Variants in XRN2 observed in about 807,000 individuals in gnomAD.
XRN2 encodes 5'-3' exoribonuclease 2.
Under a neutral mutation model 138.5 loss-of-function variants are expected in XRN2, and 44 were observed. The ratio of observed to expected loss-of-function variants is 0.32; its 90% CI spans 0.25 to 0.41. XRN2 has a LOEUF of 0.41. XRN2 is among the 10% of genes least tolerant of loss of function. The probability of loss-of-function intolerance (pLI) is 1.00; values close to 1 mark genes in which losing one functional copy is unlikely to be tolerated. For synonymous variants in XRN2, 354 were observed against 369.4 expected (o/e 0.96, Z 0.48); for missense variants, 937 against 1,169.3 (o/e 0.80, Z 2.90).
chr20:21,370,117 T>A (rs2038744946), intron 27 of XRN2, among the ~76,000 whole-genome samples: 1 of 152,210 alleles, frequency 6.6e-6, no homozygotes, highest in Admixed American at 6.5e-5. Context: ...GAGACTGTCC[T>A]TTCCTCAGTG....
chr20:21,352,523 A>T (rs564038048), intron 20 of XRN2, among the ~76,000 whole-genome samples: 14 of 151,892 alleles, frequency 9.2e-5, no homozygotes, highest in Middle Eastern at 3.4e-3. Flanking sequence ...TAGAGGTGGG[A>T]TTTCACCATG....
chr20:21,384,127 T>A (rs1012323420), intron 28 of XRN2, among the ~76,000 whole-genome samples: 4 of 152,214 alleles, frequency 2.6e-5, no homozygotes, highest in Non-Finnish European at 5.9e-5. Context: ...CCAGTAGATT[T>A]AAAAATACAA....
At chr20:21,370,243 T>C (rs544309071) in intron 27 of XRN2, among the ~76,000 whole-genome samples, 28 of 152,196 alleles carry the variant, frequency 1.8e-4, no homozygotes, top group Non-Finnish European at 3.4e-4. Flanking sequence ...TACCATACTG[T>C]TGTGGTTACT....
At chr20:21,378,014 C>T (rs984904200) in intron 27 of XRN2, among the ~76,000 whole-genome samples, 7 of 152,178 alleles carry the variant, frequency 4.6e-5, no homozygotes, top group Non-Finnish European at 1.0e-4. Context: ...CTTCAGGAAC[C>T]GCTGATACTG....
intron 1 of XRN2, among the ~76,000 whole-genome samples, chr20:21,318,741 C>T (rs2037995751): frequency 6.6e-6 from 1 of 151,832 alleles, no homozygotes; most frequent in Non-Finnish European, 1.5e-5. Flanking sequence ...GTTTAATTTC[C>T]ACATATTTGT....
chr20:21,350,550 A>AG (rs1431444469), intron 20 of XRN2, among the ~76,000 whole-genome samples: 1 of 150,682 alleles, frequency 6.6e-6, no homozygotes, highest in African/African-American at 2.4e-5. Flanking sequence ...AAAAAAAAAA[A>AG]AAAGAAATAT....
chr20:21,321,481 C>G (rs1446735414), intron 1 of XRN2, among the ~76,000 whole-genome samples: 1 of 151,990 alleles, frequency 6.6e-6, no homozygotes, highest in Non-Finnish European at 1.5e-5. Flanking sequence ...GTACATGCCA[C>G]TGTACCTTCC....
intron 27 of XRN2, among the ~76,000 whole-genome samples, 163 bp downstream of exon 27, chr20:21,368,753 T>C (rs1324200972): frequency 6.6e-6 from 1 of 152,150 alleles, no homozygotes; most frequent in Non-Finnish European, 1.5e-5. Context: ...TTATGCAAAA[T>C]CTTTCATACA....
chr20:21,343,358 A>G (rs2038396327), intron 15 of XRN2, among the ~76,000 whole-genome samples: 1 of 152,078 alleles, frequency 6.6e-6, no homozygotes, highest in South Asian at 2.1e-4. Context: ...TGAGTTAGGT[A>G]CAAAGGGAAG....
rs1170374143 is a variant in XRN2, at chr20:21,326,349, A to G, written c.146A>G (p.Asp49Gly). ...CCTAATCCAAATGATGTGGAGTTTGATAATCTGTATTTGGATATGAATGGA... is the reference window on the plus strand; with the variant it reads ...CCTAATCCAAATGATGTGGAGTTTGGTAATCTGTATTTGGATATGAATGGA... ...SKPNPNDVEF[D>G]NLYLDMNGII... Residue 49 changes from aspartate (D) to glycine (G), a missense_variant, in exon 2 of 30, where the codon GAT becomes GGT. Physicochemically the swap from Asp to Gly is moderately conservative, Grantham distance 94. Transcript: ENST00000377191. 1.2e-6 allele frequency: 2 copies of G among 1,613,882 alleles called. No homozygotes were observed. Among genetic ancestry groups the G allele is most frequent in the Non-Finnish European group, 1.7e-6 (2 of 1,179,862 alleles).
intron 24 of XRN2, among the ~76,000 whole-genome samples, chr20:21,363,938 AT>A (rs887947435): frequency 6.0e-5 from 9 of 149,086 alleles, no homozygotes; most frequent in East Asian, 3.9e-4. Flanking sequence ...CTGTTACTAA[AT>A]TTTTTTTTTT....
chr20:21,319,261 C>G (rs2099866309), intron 1 of XRN2, among the ~76,000 whole-genome samples: 1 of 152,040 alleles, frequency 6.6e-6, no homozygotes, highest in Non-Finnish European at 1.5e-5. Flanking sequence ...TACTTTTACT[C>G]TTTTGGGTCT....
At chr20:21,312,526 T>G (rs1387641165) in intron 1 of XRN2, among the ~76,000 whole-genome samples, 1 of 152,176 alleles carries the variant, frequency 6.6e-6, no homozygotes, top group African/African-American at 2.4e-5. Flanking sequence ...ATTTATCAGC[T>G]TTCTGACCAT....
At position 21,372,538 on chromosome 20, in the gene XRN2, G is replaced by T. The variant is rs187306325; in HGVS notation, c.2584+3948G>T. On this transcript the variant is annotated intron_variant, in intron 27 of 29. Transcript: ENST00000377191. Reference sequence around the variant, plus strand: ...GTACATGTTAATTGAATAAAATGTGGCATGTAGCAATAAAACATAAAAAAC... The same window carrying T: ...GTACATGTTAATTGAATAAAATGTGTCATGTAGCAATAAAACATAAAAAAC... Among the ~76,000 whole-genome samples, 618 of 152,074 alleles carry T rather than the reference G, an allele frequency of 4.1e-3. 4 individuals carry two copies. The highest frequency in any genetic ancestry group is 0.014 in the African/African-American group (590 of 41,486).
At chr20:21,319,737 A>G (rs1014445855) in intron 1 of XRN2, among the ~76,000 whole-genome samples, 3 of 152,114 alleles carry the variant, frequency 2.0e-5, no homozygotes, top group Non-Finnish European at 2.9e-5. Flanking sequence ...ATTGTTATAT[A>G]TATTACATAT....
intron 19 of XRN2, 67 bp downstream of exon 19, chr20:21,348,497 A>G (rs1277152138): frequency 3.5e-6 from 5 of 1,443,142 alleles, no homozygotes; most frequent in Non-Finnish European, 4.8e-6. Flanking sequence ...TATCAGTTAC[A>G]ATTGCTTTTG....
chr20:21,347,640 A>G (rs997887133), intron 17 of XRN2, among the ~76,000 whole-genome samples: 3 of 152,216 alleles, frequency 2.0e-5, no homozygotes, highest in Non-Finnish European at 4.4e-5. Flanking sequence ...GTTTACTCAC[A>G]TGTTTTTATA....
intron 28 of XRN2, among the ~76,000 whole-genome samples, chr20:21,383,682 T>A (rs2038909507): frequency 6.6e-6 from 1 of 152,206 alleles, no homozygotes; most frequent in African/African-American, 2.4e-5. Flanking sequence ...TCCTCCCCTC[T>A]GTTCACATTA....
At chr20:21,342,444 A>C (rs1252081690) in intron 15 of XRN2, among the ~76,000 whole-genome samples, 1 of 152,206 alleles carries the variant, frequency 6.6e-6, no homozygotes, top group Non-Finnish European at 1.5e-5. Context: ...ACAGCAGCGG[A>C]GATTTAGCAT....
Sources: gnomAD v4.1 joint callset for allele counts (sites outside exome capture counted in the v4.1 genomes callset) on GRCh38, gnomAD v4.1.1 for gene constraint, MANE v1.5 for transcripts, NCBI Gene and HGNC (gene_info 2026-07-23, HGNC 2026-07-21) for gene names.